Variants in PRKN observed in about 807,000 individuals in gnomAD.
The protein encoded by PRKN is parkin RBR E3 ubiquitin protein ligase.
PRKN carries 56 observed loss-of-function variants against 59.5 expected under a neutral mutation model. That is an observed-to-expected ratio of 0.94 (90% CI 0.76 to 1.18). The LOEUF (loss-of-function observed/expected upper bound fraction) is 1.18. PRKN is among the 50% of genes most tolerant of loss of function. The pLI, the probability that PRKN is intolerant of heterozygous loss-of-function variation, is 0.00. For missense variants in PRKN, 657 were observed against 596.4 expected, an observed-to-expected ratio of 1.10 and a Z score of -1.06; for synonymous variants, 250 against 222.1, an observed-to-expected ratio of 1.13 and a Z score of -1.12.
intron 4 of PRKN, among the ~76,000 whole-genome samples, chr6:162,087,379 G>A (rs4709570): frequency 0.76 from 115,658 of 152,024 alleles, 44,369 homozygotes; most frequent in East Asian, 0.86. Context: ...CTTAAGGAAA[G>A]GGTAGTAGAA....
chr6:162,030,760 C>T (rs931778406), intron 5 of PRKN, among the ~76,000 whole-genome samples: 6 of 152,102 alleles, frequency 3.9e-5, no homozygotes, highest in Non-Finnish European at 8.8e-5. Context: ...TTAAGAGGAC[C>T]GCAGAGAGAG....
chr6:161,682,487 A>G (rs1006801382), intron 7 of PRKN, among the ~76,000 whole-genome samples: 2 of 152,186 alleles, frequency 1.3e-5, no homozygotes, highest in Non-Finnish European at 2.9e-5. Context: ...CTGAGGAACA[A>G]GACTACCCTG....
intron 2 of PRKN, among the ~76,000 whole-genome samples, chr6:162,350,908 G>C (rs1305765773): frequency 6.6e-6 from 1 of 152,144 alleles, no homozygotes; most frequent in Non-Finnish European, 1.5e-5. Context: ...TAAAGCATTT[G>C]CAAGTTATAT....
chr6:161,680,775 A>ATATATATTTTT (rs1216235673), intron 7 of PRKN, among the ~76,000 whole-genome samples: 5 of 30,628 alleles, frequency 1.6e-4, no homozygotes, highest in East Asian at 1.3e-3. Context: ...ATATATATAT[A>ATATATATTTTT]TTTTTTTTTT....
Position 161,419,180 on chromosome 6 carries a change from CAG to C in PRKN, c.1084-32305_1084-32304del, listed in dbSNP as rs1178000849. 6.6e-6 allele frequency among the ~76,000 whole-genome samples: 1 copy of C among 152,194 alleles called. No homozygotes were observed. The highest frequency in any genetic ancestry group is 1.5e-5 in the Non-Finnish European group (1 of 68,040). ...ATCCTTTACGAGCTAACGTGCTACA[CAG>C]AGTTTGATGCTTCTTGTGCGTGATC... On this transcript the variant is annotated intron_variant, in intron 9 of 11. Coordinates refer to ENST00000366898, the MANE Select transcript of PRKN (RefSeq NM_004562.3). The surrounding 1 kb of genome is among the most constrained non-coding windows in gnomAD (Gnocchi z 4.1).
chr6:162,247,305 T>C (rs1779242457), intron 3 of PRKN, among the ~76,000 whole-genome samples: 1 of 152,152 alleles, frequency 6.6e-6, no homozygotes, highest in Admixed American at 6.5e-5. Context: ...ATGAGCTTTC[T>C]TTTTCAAGAA....
intron 1 of PRKN, among the ~76,000 whole-genome samples, chr6:162,647,936 T>C (rs1255729046): frequency 8.9e-6 from 1 of 112,020 alleles, no homozygotes; most frequent in Non-Finnish European, 1.7e-5. Context: ...ACCATCTCTA[T>C]ATGTCCACAG....
intron 2 of PRKN, among the ~76,000 whole-genome samples, chr6:162,324,193 T>C (rs1280553627): frequency 2.0e-5 from 3 of 152,128 alleles, no homozygotes; most frequent in Admixed American, 1.3e-4. Flanking sequence ...AAGGAGTGCA[T>C]TCTATATTAT....
In PRKN at chr6:161,359,901, A is replaced by G. The variant is rs1447466014; in HGVS notation, c.1285+187T>C. On this transcript the variant is annotated intron_variant, in intron 11 of 11. Coordinates refer to ENST00000366898, the MANE Select transcript of PRKN (RefSeq NM_004562.3). This position sits in a 1 kb window ranked among gnomAD's most constrained non-coding sequence, Gnocchi z 5.4. ...GCCTCACATAGCCATGGAACTACTC[A>G]CTCATTAAATATTTCTGTGTAACAA... Among the ~76,000 whole-genome samples, 1 of 152,104 alleles carries G rather than the reference A, an allele frequency of 6.6e-6. No individual in the cohort carries two copies. The highest frequency in any genetic ancestry group is 1.5e-5 in the Non-Finnish European group (1 of 68,046).
intron 1 of PRKN, among the ~76,000 whole-genome samples, chr6:162,628,043 T>C (rs1412953316): frequency 6.6e-6 from 1 of 151,800 alleles, no homozygotes; most frequent in African/African-American, 2.4e-5. Context: ...CAGAAGAAAA[T>C]ACATAAGGAC....
rs974455038 is a variant in PRKN at position 161,544,725 on chromosome 6, C to A, written c.1083+4129G>T. On this transcript the variant is annotated intron_variant, in intron 9 of 11. Coordinates refer to ENST00000366898, the MANE Select transcript of PRKN (RefSeq NM_004562.3). The surrounding 1 kb of genome is among the most constrained non-coding windows in gnomAD (Gnocchi z 5.5). ...CTGGATCCACCCCACATTTATCAGGCCTTTCCTAGGTGGACTGACATCATC... is the reference window on the plus strand; with the variant it reads ...CTGGATCCACCCCACATTTATCAGGACTTTCCTAGGTGGACTGACATCATC... Among the ~76,000 whole-genome samples, 3 of 152,132 alleles carry A rather than the reference C, an allele frequency of 2.0e-5. No homozygotes were observed. The highest frequency in any genetic ancestry group is 2.9e-5 in the Non-Finnish European group (2 of 68,026).
intron 6 of PRKN, among the ~76,000 whole-genome samples, chr6:161,831,346 T>G (rs966510009): frequency 1.3e-4 from 20 of 152,240 alleles, no homozygotes; most frequent in Non-Finnish European, 2.2e-4. Flanking sequence ...TCTAAGTACA[T>G]GTGACATGTC....
chr6:161,610,272 C>T (rs977886256), intron 7 of PRKN, among the ~76,000 whole-genome samples: 7 of 151,864 alleles, frequency 4.6e-5, no homozygotes, highest in South Asian at 2.1e-4. Flanking sequence ...GGGGCAAAGC[C>T]GGGAGCTGGG....
intron 9 of PRKN, among the ~76,000 whole-genome samples, chr6:161,439,936 T>TTTTCG (rs1562450853): frequency 6.8e-6 from 1 of 146,894 alleles, no homozygotes; most frequent in African/African-American, 2.5e-5. Flanking sequence ...GTTTTTTTGT[T>TTTTCG]TTTTGTTTTG....
intron 7 of PRKN, among the ~76,000 whole-genome samples, chr6:161,765,394 A>T (rs1285188944): frequency 6.6e-6 from 1 of 152,188 alleles, no homozygotes; most frequent in African/African-American, 2.4e-5. Flanking sequence ...TCAGCTTTAC[A>T]GCTTGATTTA....
At chr6:162,674,572 C>T (rs1779463996) in intron 1 of PRKN, among the ~76,000 whole-genome samples, 1 of 152,144 alleles carries the variant, frequency 6.6e-6, no homozygotes, top group Admixed American at 6.5e-5. Context: ...TGATAGGATG[C>T]TCGTGGAACT....
At chr6:162,364,813 T>C (rs1252568015) in intron 2 of PRKN, among the ~76,000 whole-genome samples, 1 of 152,124 alleles carries the variant, frequency 6.6e-6, no homozygotes, top group Non-Finnish European at 1.5e-5. Context: ...GATAAAGATA[T>C]TTGTGTAAAA....
At chr6:162,129,417 C>G (rs913039743) in intron 4 of PRKN, among the ~76,000 whole-genome samples, 2 of 152,088 alleles carry the variant, frequency 1.3e-5, no homozygotes, top group Non-Finnish European at 2.9e-5. Context: ...TTTGCTGCTA[C>G]TAACATAGAT....
intron 4 of PRKN, among the ~76,000 whole-genome samples, chr6:162,111,631 G>A (rs148482828): frequency 6.6e-6 from 1 of 151,724 alleles, no homozygotes; most frequent in Non-Finnish European, 1.5e-5. Flanking sequence ...TGGGTCAAAA[G>A]ATAAAGAAAT....
Sources: allele counts gnomAD v4.1 joint callset (sites outside exome capture counted in the v4.1 genomes callset), GRCh38; gene constraint gnomAD v4.1.1; non-coding constraint Gnocchi (gnomAD v3.1); transcripts MANE v1.5; gene names NCBI Gene and HGNC (gene_info 2026-07-23, HGNC 2026-07-21).